FOCAD: variants seen among roughly 807,000 people sequenced by gnomAD.
FOCAD encodes the protein focadhesin.
In FOCAD, 198 loss-of-function variants were observed where a neutral mutation model predicts 225.6. The observed-to-expected ratio is 0.88, with a 90% CI of 0.78 to 0.99. The LOEUF is 0.99. Ranked by LOEUF, FOCAD falls within the 50% of genes least tolerant of loss-of-function variation. The pLI, the probability that FOCAD is intolerant of heterozygous loss-of-function variation, is 0.00. For missense variants in FOCAD, 2,713 were observed against 2,123.6 expected, an observed-to-expected ratio of 1.28 and a Z score of -5.46; for synonymous variants, 897 against 755.0, an observed-to-expected ratio of 1.19 and a Z score of -3.08.
rs561268051 is a variant in FOCAD, at chr9:20,919,801, G to T, written c.2852+2864G>T. On this transcript the variant is annotated intron_variant, in intron 24 of 43. Coordinates refer to ENST00000338382, the MANE Select transcript of FOCAD (RefSeq NM_001375567.1). ...TGGATCCCTTCCTTACACCTTATACGAAAATTAATTCAAGATGGATTAAAG... is the reference window on the plus strand; with the variant it reads ...TGGATCCCTTCCTTACACCTTATACTAAAATTAATTCAAGATGGATTAAAG... Among the ~76,000 whole-genome samples, 11 of 152,080 alleles carry T rather than the reference G, an allele frequency of 7.2e-5. No homozygotes were observed. In the East Asian group the frequency reaches 1.9e-3, roughly 27 times the overall value.
intron 5 of FOCAD, among the ~76,000 whole-genome samples, chr9:20,755,452 A>G (rs760056085): frequency 2.0e-5 from 3 of 152,166 alleles, no homozygotes; most frequent in Admixed American, 1.3e-4. Flanking sequence ...ATCTCATTTT[A>G]TACTATTTTT....
intron 18 of FOCAD, among the ~76,000 whole-genome samples, chr9:20,868,708 T>A (rs1212917486): frequency 6.8e-6 from 1 of 146,142 alleles, no homozygotes; most frequent in African/African-American, 2.5e-5. Flanking sequence ...GCTTTTCAGC[T>A]TTTTTTTTTT....
chr9:20,733,606 GT>G (rs1281732946), intron 4 of FOCAD, among the ~76,000 whole-genome samples: 4 of 152,078 alleles, frequency 2.6e-5, no homozygotes, highest in Non-Finnish European at 5.9e-5. Flanking sequence ...AACATGCGGT[GT>G]TTGGTTTTTT....
intron 2 of FOCAD, among the ~76,000 whole-genome samples, chr9:20,661,764 C>G (rs1187903994): frequency 6.6e-6 from 1 of 152,144 alleles, no homozygotes; most frequent in Non-Finnish European, 1.5e-5. Flanking sequence ...ATTACAAAGG[C>G]ATTTACACTT....
intron 2 of FOCAD, among the ~76,000 whole-genome samples, chr9:20,666,094 G>A (rs1403332171): frequency 6.6e-6 from 1 of 152,056 alleles, no homozygotes; most frequent in African/African-American, 2.4e-5. Flanking sequence ...TGTCACTAGA[G>A]ATCTGGAATC....
intron 5 of FOCAD, among the ~76,000 whole-genome samples, chr9:20,753,832 AT>A (rs1587024026): frequency 6.7e-6 from 1 of 150,174 alleles, no homozygotes; most frequent in Non-Finnish European, 1.5e-5. Flanking sequence ...GTTTGTGTTT[AT>A]TTTTTCAAAA....
chr9:20,967,965 T>G (rs1839414292), intron 35 of FOCAD, among the ~76,000 whole-genome samples: 1 of 152,274 alleles, frequency 6.6e-6, no homozygotes, highest in Non-Finnish European at 1.5e-5. Flanking sequence ...AGGATAATGC[T>G]GATCTCTTAG....
chr9:20,829,822 A>G (rs1488995672), intron 15 of FOCAD, among the ~76,000 whole-genome samples: 1 of 152,112 alleles, frequency 6.6e-6, no homozygotes, highest in Non-Finnish European at 1.5e-5. Flanking sequence ...TTCAGCTGGA[A>G]AACTGCTAAT....
At chr9:20,666,640 A>C (rs17758909) in intron 2 of FOCAD, among the ~76,000 whole-genome samples, 20,385 of 152,226 alleles carry the variant, frequency 0.13, 1,700 homozygotes, top group Non-Finnish European at 0.19. Context: ...TGAAGTTTCC[A>C]ATTAGAGCTT....
intron 35 of FOCAD, among the ~76,000 whole-genome samples, chr9:20,971,889 C>T (rs939975248): frequency 1.3e-5 from 2 of 151,920 alleles, no homozygotes; most frequent in Non-Finnish European, 2.9e-5. Flanking sequence ...AATGTAATGG[C>T]CTTAAGTTTC....
chr9:20,681,605 T>G (rs948001507), upstream of FOCAD, among the ~76,000 whole-genome samples: 1 of 152,234 alleles, frequency 6.6e-6, no homozygotes, highest in African/African-American at 2.4e-5. Flanking sequence ...CTCTCTAGTC[T>G]TGTCAAAATA....
rs760986444 is a variant in FOCAD at position 20,951,073 on chromosome 9, A to G, written c.4026A>G (p.Leu1342=). Residue 1342 remains leucine (L), a synonymous_variant, in exon 34 of 44, where the codon CTA becomes CTG. Transcript: ENST00000338382. ...WLLGHLHLST[L]SSSQSRASVP... Reference sequence around the variant, plus strand: ...TTGGACATCTTCATCTATCTACTCTATCCTCAAGTCAAAGTAGAGCCTCTG... The same window carrying G: ...TTGGACATCTTCATCTATCTACTCTGTCCTCAAGTCAAAGTAGAGCCTCTG... 2 of 1,613,388 alleles carry G rather than the reference A, an allele frequency of 1.2e-6. No homozygotes were observed. Among genetic ancestry groups the G allele is most frequent in the Non-Finnish European group, 1.7e-6 (2 of 1,179,454 alleles).
At chr9:20,900,988 C>T (rs370663117) in intron 21 of FOCAD, among the ~76,000 whole-genome samples, 6 of 151,934 alleles carry the variant, frequency 3.9e-5, no homozygotes, top group African/African-American at 1.4e-4. Flanking sequence ...TGTCATTTTA[C>T]TTTAAAAAGT....
intron 21 of FOCAD, among the ~76,000 whole-genome samples, chr9:20,888,242 G>A (rs1831293797): frequency 6.7e-6 from 1 of 149,138 alleles, no homozygotes. Context: ...GGGCTCAAGC[G>A]ATTCTCCCAC....
intron 1 of FOCAD, among the ~76,000 whole-genome samples, chr9:20,697,461 C>T (rs745464337): frequency 6.6e-6 from 1 of 152,194 alleles, no homozygotes; most frequent in Non-Finnish European, 1.5e-5. Flanking sequence ...ATTCTGTAAT[C>T]TCTCACTGCC....
intron 24 of FOCAD, among the ~76,000 whole-genome samples, chr9:20,918,549 C>G: frequency 1.3e-5 from 2 of 151,818 alleles, no homozygotes; most frequent in Non-Finnish European, 2.9e-5. Context: ...CGGTGAAACC[C>G]CGTCTCTACT....
At chr9:20,797,674 C>T (rs574247603) in intron 11 of FOCAD, among the ~76,000 whole-genome samples, 1 of 152,108 alleles carries the variant, frequency 6.6e-6, no homozygotes, top group African/African-American at 2.4e-5. Flanking sequence ...AAAATCATTG[C>T]AAAATCAAAA....
At chr9:20,815,715 T>G (rs1482475533) in intron 11 of FOCAD, among the ~76,000 whole-genome samples, 1 of 152,146 alleles carries the variant, frequency 6.6e-6, no homozygotes, top group Non-Finnish European at 1.5e-5. Flanking sequence ...AAGCCAGATC[T>G]TGAGACAGTC....
Position 20,912,919 on chromosome 9 carries a change from G to C in FOCAD, c.2772G>C (p.Glu924Asp), listed in dbSNP as rs1418474065. Residue 924 changes from glutamate (E) to aspartate (D), a missense_variant, in exon 23 of 44, where the codon GAG becomes GAC. Transcript: ENST00000338382. ...TAAAACATGGAAAAGAAGAACCTGA[G>C]GAGGTGCAGTACAAAAAAAGCACAG... is the stretch of plus-strand genomic sequence containing the variant. The part of the protein sequence containing the change: ...LQLKHGKEEP[E>D]EVQYKKSTAW... 1 of 1,613,110 alleles carries C rather than the reference G, an allele frequency of 6.2e-7. No homozygotes were observed. Among genetic ancestry groups the C allele is most frequent in the African/African-American group, 1.3e-5 (1 of 74,842 alleles).
Sources: gnomAD v4.1 joint callset for allele counts (sites outside exome capture counted in the v4.1 genomes callset) on GRCh38, gnomAD v4.1.1 for gene constraint, MANE v1.5 for transcripts, NCBI Gene and HGNC (gene_info 2026-07-23, HGNC 2026-07-21) for gene names.